BCL11A: variants seen among roughly 807,000 people sequenced by gnomAD.
BCL11A encodes the protein B cell CLL/lymphoma 11A.
Under a neutral mutation model 55.9 loss-of-function variants are expected in BCL11A, and 2 were observed. The observed-to-expected ratio is 0.04, with a 90% CI of 0.01 to 0.11. BCL11A has a LOEUF of 0.11. BCL11A is among the 10% of genes least tolerant of loss of function. BCL11A has a pLI of 1.00. For missense variants in BCL11A, 817 were observed against 1,137.1 expected (o/e 0.72, Z 4.05); for synonymous variants, 465 against 473.4 (o/e 0.98, Z 0.23).
At chr2:60,542,570 C>T (rs1669971179) in intron 2 of BCL11A, 1 of 152,238 alleles carries the variant, frequency 6.6e-6, no homozygotes, top group Non-Finnish European at 1.5e-5. Context: ...ATTAATACTA[C>T]TTCAATGATC....
chr2:60,479,745 G>T (rs1015803834), intron 2 of BCL11A, among the ~76,000 whole-genome samples: 1 of 152,210 alleles, frequency 6.6e-6, no homozygotes, highest in East Asian at 1.9e-4. Context: ...AGAGTCAAGG[G>T]TCTGTCACCA....
chr2:60,550,015 G>C (rs978134843), intron 1 of BCL11A: 1 of 152,310 alleles, frequency 6.6e-6, no homozygotes, highest in Non-Finnish European at 1.5e-5. Context: ...AGGCGAGAGG[G>C]GGGGTGTCGG....
intron 2 of BCL11A, among the ~76,000 whole-genome samples, chr2:60,521,608 C>T (rs1319022121): frequency 6.6e-6 from 1 of 152,206 alleles, no homozygotes; most frequent in Non-Finnish European, 1.5e-5. Flanking sequence ...ATCTTGTGCC[C>T]CAGTCCTCCC....
intron 1 of BCL11A, among the ~76,000 whole-genome samples, chr2:60,551,543 G>A (rs1008092537): frequency 3.3e-5 from 5 of 152,238 alleles, no homozygotes; most frequent in African/African-American, 1.2e-4. Flanking sequence ...CCCGAGCTGT[G>A]GACAAGAGAC....
intron 2 of BCL11A, among the ~76,000 whole-genome samples, chr2:60,477,541 G>A (rs1185580528): frequency 2.0e-5 from 3 of 152,074 alleles, no homozygotes; most frequent in African/African-American, 7.2e-5. Context: ...CATGGTACAT[G>A]TATACTTATG....
intron 2 of BCL11A, among the ~76,000 whole-genome samples, chr2:60,518,058 A>T (rs931854808): frequency 2.6e-5 from 4 of 152,352 alleles, no homozygotes; most frequent in Admixed American, 2.6e-4. Flanking sequence ...TTGGAAGGCC[A>T]CAGAGGGAAG....
At chr2:60,545,694 G>A in intron 2 of BCL11A, 2 of 399,244 alleles carry the variant, frequency 5.0e-6, no homozygotes, top group East Asian at 1.0e-4. Flanking sequence ...GTGGGGATGG[G>A]GAAGAAAAGA....
At position 60,457,922 on chromosome 2, in the gene BCL11A, ATC is replaced by A; in HGVS notation, c.*2480_*2481del. 1 of 1,045,034 alleles carries A rather than the reference ATC, an allele frequency of 9.6e-7. No homozygotes were observed. The highest frequency in any genetic ancestry group is 1.2e-6 in the Non-Finnish European group (1 of 866,632). The allele number at this position is 1,045,034 out of a possible 1,614,324, so 64.7% of individuals were successfully genotyped here. ...CCAAACCGCCATTATATGGCTTCTC[ATC>A]TGTAATGTCACACTTTTTTGTTTCT... On this transcript the variant is annotated 3_prime_UTR_variant, in exon 4 of 4. Transcript: ENST00000642384.
At chr2:60,455,036 T>G (rs541698705), downstream of BCL11A, among the ~76,000 whole-genome samples, 1 of 152,292 alleles carries the variant, frequency 6.6e-6, no homozygotes, top group African/African-American at 2.4e-5. Context: ...TTTTTGTAGG[T>G]CCTAAACAAA....
intron 1 of BCL11A, among the ~76,000 whole-genome samples, chr2:60,550,445 TCGCC>T: frequency 1.3e-5 from 2 of 152,088 alleles, no homozygotes; most frequent in African/African-American, 4.8e-5. Flanking sequence ...CGGACGAGAA[TCGCC>T]GGGCAGGAGG....
At chr2:60,479,656 G>A (rs1283823376) in intron 2 of BCL11A, among the ~76,000 whole-genome samples, 3 of 152,156 alleles carry the variant, frequency 2.0e-5, no homozygotes, top group Admixed American at 6.5e-5. Context: ...CAAAGAGGCC[G>A]ACCAGGCAAG....
rs1669886769 is a variant in BCL11A, at chr2:60,540,849, GAA to G, written c.385+5120_385+5121del. On this transcript the variant is annotated intron_variant, in intron 2 of 3. Transcript: ENST00000642384. Reference sequence around the variant, plus strand: ...CAATTATATGCCACATTCACTAAGAGAAAGGTGTGCAAAACATATTTCAGATC... The same window carrying G: ...CAATTATATGCCACATTCACTAAGAGAGGTGTGCAAAACATATTTCAGATC... 3.3e-5 allele frequency among the ~76,000 whole-genome samples: 5 copies of G among 152,160 alleles called. No individual in the cohort carries two copies. In the South Asian group the frequency reaches 1.0e-3, roughly 32 times the overall value.
chr2:60,502,102 G>A (rs1679322809), intron 2 of BCL11A, among the ~76,000 whole-genome samples: 1 of 152,098 alleles, frequency 6.6e-6, no homozygotes, highest in South Asian at 2.1e-4. Context: ...AGAAGTCCTG[G>A]AAAACTGAGA....
Position 60,457,960 on chromosome 2 carries a change from T to G in BCL11A, c.*2444A>C. Reference sequence around the variant, plus strand: ...CACTTTTTTGTTTCTCTCTTTTTTTTTTTTTTGAAGCATACAAATAATTTG... The same window carrying G: ...CACTTTTTTGTTTCTCTCTTTTTTTGTTTTTTGAAGCATACAAATAATTTG... On this transcript the variant is annotated 3_prime_UTR_variant, in exon 4 of 4. Transcript: ENST00000642384. The G allele has an allele frequency of 9.6e-7, 1 of 1,039,696 alleles. No homozygotes were observed. Among genetic ancestry groups the G allele is most frequent in the Non-Finnish European group, 1.2e-6 (1 of 862,994 alleles). The allele number at this position is 1,039,696 out of a possible 1,614,324, so 64.4% of individuals were successfully genotyped here.
intron 2 of BCL11A, among the ~76,000 whole-genome samples, chr2:60,491,109 A>G (rs1678602376): frequency 6.6e-6 from 1 of 152,236 alleles, no homozygotes; most frequent in Non-Finnish European, 1.5e-5. Context: ...TTACCAAAAA[A>G]TGACAACATC....
rs1489297664 is a variant in BCL11A, at chr2:60,461,157, G to A, written c.1755C>T (p.Cys585=). ...ACTCGCCGGCCACCGAGTCTTCGTC[G>A]CAAGTGTCCCTGTGGCCCTCGGCCT... is the stretch of plus-strand genomic sequence containing the variant. ...LAEAEGHRDT[C]DEDSVAGESD... Residue 585 remains cysteine (C), a synonymous_variant, in exon 4 of 4, where the codon TGC becomes TGT. Transcript: ENST00000642384. The A allele has an allele frequency of 1.2e-6, 2 of 1,612,222 alleles. No individual in the cohort carries two copies. The highest frequency in any genetic ancestry group is 2.7e-5 in the African/African-American group (2 of 74,900).
At chr2:60,480,079 C>T (rs537712833) in intron 2 of BCL11A, among the ~76,000 whole-genome samples, 7 of 152,276 alleles carry the variant, frequency 4.6e-5, no homozygotes, top group South Asian at 2.1e-4. Context: ...CTGTGGACTT[C>T]CCCGGGAGGA....
At chr2:60,552,421 TCGG>T (rs886675800) in intron 1 of BCL11A, among the ~76,000 whole-genome samples, 2 of 151,500 alleles carry the variant, frequency 1.3e-5, no homozygotes, top group African/African-American at 4.8e-5. Flanking sequence ...CTCCTGCCCT[TCGG>T]CGGCGGCGGC....
chr2:60,452,933 T>C, downstream of BCL11A: 1 of 381,216 alleles, frequency 2.6e-6, no homozygotes. Context: ...TGTATGATAG[T>C]CCTAATAAAC....
Sources: gnomAD v4.1 joint callset for allele counts (sites outside exome capture counted in the v4.1 genomes callset) on GRCh38, gnomAD v4.1.1 for gene constraint, MANE v1.5 for transcripts, NCBI Gene and HGNC (gene_info 2026-07-23, HGNC 2026-07-21) for gene names.